The following LAMP1 variants were observed in gnomAD, a reference collection of about 807,000 sequenced individuals.
The protein encoded by LAMP1 is lysosome associated membrane protein 1, also known as lysosome-associated membrane glycoprotein 1.
A neutral mutation model predicts 37.5 loss-of-function variants in LAMP1; 7 were observed. That is an observed-to-expected ratio of 0.19 (90% CI 0.11 to 0.35). The LOEUF is 0.35. Among genes scored for constraint, LAMP1 ranks in the 10% least tolerant of loss-of-function variants. The pLI is 1.00. For synonymous variants in LAMP1, 236 were observed against 229.1 expected (o/e 1.03, Z -0.27); for missense variants, 537 against 552.8 (o/e 0.97, Z 0.29).
intron 5 of LAMP1, 27 bp downstream of exon 5, chr13:113,319,683 G>C: frequency 6.3e-7 from 1 of 1,599,356 alleles, no homozygotes; most frequent in Non-Finnish European, 8.5e-7. Context: ...ACCTGGGAGA[G>C]GGGGACGGCA....
Position 113,297,956 on chromosome 13 carries a change from C to T in LAMP1, c.61+461C>T, listed in dbSNP as rs971201867. On this transcript the variant is annotated intron_variant, in intron 1 of 8. Transcript: ENST00000332556. The surrounding 1 kb of genome is among the most constrained non-coding windows in gnomAD (Gnocchi z 4.4). ...CAAGCTCTTCCCAACATGGATTTCA[C>T]CCAGGACAGGGAGAAGCCGGTGCGA... Among the ~76,000 whole-genome samples, 1 of 152,196 alleles carries T rather than the reference C, an allele frequency of 6.6e-6. No homozygotes were observed. Among genetic ancestry groups the T allele is most frequent in the Non-Finnish European group, 1.5e-5 (1 of 68,048 alleles).
At chr13:113,317,370 C>G (rs915900838) in intron 4 of LAMP1, among the ~76,000 whole-genome samples, 2 of 152,182 alleles carry the variant, frequency 1.3e-5, no homozygotes, top group Non-Finnish European at 2.9e-5. Flanking sequence ...TGTGGGTTTG[C>G]GTTTGTAATT....
rs543889313 is a variant in LAMP1, at chr13:113,302,592, A to G, written c.62-3893A>G. On this transcript the variant is annotated intron_variant, in intron 1 of 8. Transcript: ENST00000332556. ...AATTTTTATTTATTTTAATTCAAAA[A>G]AATTAAATTTTTTTTTTAAGAGACA... 2.0e-5 allele frequency among the ~76,000 whole-genome samples: 3 copies of G among 152,328 alleles called. No homozygotes were observed. The South Asian group carries it at 6.2e-4, about 32-fold the overall frequency.
Position 113,297,679 on chromosome 13 carries a change from C to G in LAMP1, c.61+184C>G, listed in dbSNP as rs2042550233. On this transcript the variant is annotated intron_variant, in intron 1 of 8. Coordinates refer to ENST00000332556, the MANE Select transcript of LAMP1 (RefSeq NM_005561.4). The surrounding 1 kb of genome is among the most constrained non-coding windows in gnomAD (Gnocchi z 4.4). Reference sequence around the variant, plus strand: ...TCGGGGTCGTAGGGTCGGAGCGGAGCTCAATGGCAGGTGCTTGGGGGACCA... The same window carrying G: ...TCGGGGTCGTAGGGTCGGAGCGGAGGTCAATGGCAGGTGCTTGGGGGACCA... 6.6e-6 allele frequency among the ~76,000 whole-genome samples: 1 copy of G among 152,200 alleles called. No individual in the cohort carries two copies. Among genetic ancestry groups the G allele is most frequent in the Non-Finnish European group, 1.5e-5 (1 of 68,028 alleles).
rs538647194 is a variant in LAMP1, at chr13:113,320,465, G to A, written c.871G>A (p.Gly291Arg). ...CACCACCGTCCTGCTCTTCCAGTTCGGGATGGTGAGGCTGGGGCGGCACCT... is the reference window on the plus strand; with the variant it reads ...CACCACCGTCCTGCTCTTCCAGTTCAGGATGGTGAGGCTGGGGCGGCACCT... ...EGTTVLLFQF[G>R]MNASSSRFFL... Residue 291 changes from glycine to arginine, a missense_variant, in exon 6 of 9, where the codon GGG becomes AGG. Coordinates refer to ENST00000332556, the MANE Select transcript of LAMP1 (RefSeq NM_005561.4). The surrounding 1 kb of genome is among the most constrained non-coding windows in gnomAD (Gnocchi z 4.4). 7.2e-5 allele frequency: 115 copies of A among 1,607,256 alleles called. No individual in the cohort carries two copies. The highest frequency in any genetic ancestry group is 2.3e-4 in the Admixed American group (14 of 60,004).
At chr13:113,305,384 AGATAG>A (rs1470926845) in intron 1 of LAMP1, 1 of 152,234 alleles carries the variant, frequency 6.6e-6, no homozygotes, top group Non-Finnish European at 1.5e-5. Flanking sequence ...CAGTGGTGGC[AGATAG>A]GTGTTTGGCG....
intron 1 of LAMP1, among the ~76,000 whole-genome samples, chr13:113,301,637 AAAAAAAAATAT>A (rs1485869171): frequency 9.2e-4 from 24 of 26,140 alleles, no homozygotes; most frequent in African/African-American, 2.6e-3. Flanking sequence ...TAAAAAAAAA[AAAAAAAAATAT>A]ATATATATAT....
intron 4 of LAMP1, 79 bp from the exon 5 acceptor site, chr13:113,319,390 T>A (rs1345974090): frequency 7.6e-7 from 1 of 1,320,070 alleles, no homozygotes; most frequent in Non-Finnish European, 1.0e-6. Flanking sequence ...TGTAGTTTTG[T>A]TTCTGAGTTT....
Position 113,297,402 on chromosome 13 carries a change from C to T in LAMP1, c.-33C>T. On this transcript the variant is annotated 5_prime_UTR_variant, in exon 1 of 9. Coordinates refer to ENST00000332556, the MANE Select transcript of LAMP1 (RefSeq NM_005561.4). The surrounding 1 kb of genome is among the most constrained non-coding windows in gnomAD (Gnocchi z 4.4). ...GCGGCCCAACCGCCGCCCGCGCCCCCGCTCCCCGCACCGTACCCGGCCGCC... is the reference window on the plus strand; with the variant it reads ...GCGGCCCAACCGCCGCCCGCGCCCCTGCTCCCCGCACCGTACCCGGCCGCC... The T allele has an allele frequency of 1.5e-6, 1 of 670,388 alleles. No individual in the cohort carries two copies. Among genetic ancestry groups the T allele is most frequent in the Non-Finnish European group, 2.1e-6 (1 of 484,582 alleles). 41.5% of individuals were successfully genotyped at this position (670,388 alleles called of 1,614,324 possible). A position where few individuals can be genotyped will look rare whatever the true frequency, so the allele number is the denominator to read the frequency against.
chr13:113,298,387 A>C (rs930813982), intron 1 of LAMP1, among the ~76,000 whole-genome samples: 12 of 146,658 alleles, frequency 8.2e-5, no homozygotes, highest in African/African-American at 2.5e-4. Context: ...GCCCCCCGCC[A>C]ACACTATTCT....
chr13:113,308,976 A>G (rs953696131), intron 2 of LAMP1, among the ~76,000 whole-genome samples: 7 of 152,238 alleles, frequency 4.6e-5, no homozygotes, highest in East Asian at 1.9e-4. Context: ...GAACATTTCT[A>G]TAGTAAAAAA....
chr13:113,310,643 TAAAA>T, intron 3 of LAMP1, 62 bp from the exon 4 acceptor site: 1 of 1,241,902 alleles, frequency 8.1e-7, no homozygotes, highest in Non-Finnish European at 1.1e-6. Flanking sequence ...AGGGCTAAAA[TAAAA>T]AACACATAAA....
At chr13:113,317,859 A>T (rs1349467566) in intron 4 of LAMP1, among the ~76,000 whole-genome samples, 5 of 152,160 alleles carry the variant, frequency 3.3e-5, no homozygotes, top group Middle Eastern at 3.4e-3. Flanking sequence ...CTCATTTTTT[A>T]AAAAAACTTT....
rs1054439462 is a variant in LAMP1 at position 113,310,006 on chromosome 13, A to G, written c.403+144A>G. 9 of 659,454 alleles carry G rather than the reference A, an allele frequency of 1.4e-5. No homozygotes were observed. The African/African-American group carries it at 1.5e-4, about 11-fold the overall frequency. The allele number at this position is 659,454 out of a possible 1,614,324, so 40.9% of individuals were successfully genotyped here. On this transcript the variant is annotated intron_variant, in intron 3 of 8. Coordinates refer to ENST00000332556, the MANE Select transcript of LAMP1 (RefSeq NM_005561.4). The stretch of plus-strand genomic sequence containing the variant: ...CACTTTGGGAGGCTAAGGCAGACAG[A>G]TCACTTGAGGTCAGGAGTTTGAGAC...
At chr13:113,302,479 G>A (rs578025684) in intron 1 of LAMP1, among the ~76,000 whole-genome samples, 95 of 152,250 alleles carry the variant, frequency 6.2e-4, no homozygotes, top group South Asian at 1.2e-3. Context: ...CTGGGATTAC[G>A]GGCTGTGCCC....
At chr13:113,317,812 G>C (rs1040437666) in intron 4 of LAMP1, among the ~76,000 whole-genome samples, 1 of 151,450 alleles carries the variant, frequency 6.6e-6, no homozygotes, top group Middle Eastern at 3.2e-3. Flanking sequence ...TCAGCCTTCT[G>C]AGTAGCTAGG....
At chr13:113,319,684 G>A (rs1174192378) in intron 5 of LAMP1, 28 bp downstream of exon 5, 1 of 1,598,236 alleles carries the variant, frequency 6.3e-7, no homozygotes, top group Non-Finnish European at 8.5e-7. Flanking sequence ...CCTGGGAGAG[G>A]GGGACGGCAC....
intron 4 of LAMP1, among the ~76,000 whole-genome samples, chr13:113,318,924 C>T (rs918094535): frequency 3.3e-5 from 5 of 152,174 alleles, no homozygotes; most frequent in African/African-American, 4.8e-5. Flanking sequence ...GGCTGCTCTG[C>T]GTCCCACCTG....
chr13:113,314,920 G>A (rs1394285606), intron 4 of LAMP1, among the ~76,000 whole-genome samples: 2 of 113,740 alleles, frequency 1.8e-5, no homozygotes, highest in Non-Finnish European at 1.8e-5. Context: ...GGAGATGCCC[G>A]TGTGCCTGGG....
Sources: gnomAD v4.1 joint callset for allele counts (sites outside exome capture counted in the v4.1 genomes callset) on GRCh38, gnomAD v4.1.1 for gene constraint, Gnocchi (gnomAD v3.1) non-coding constraint, MANE v1.5 for transcripts, NCBI Gene and HGNC (gene_info 2026-07-23, HGNC 2026-07-21) for gene names.